ADAMTS3: variants seen among roughly 807,000 people sequenced by gnomAD.
The protein encoded by ADAMTS3 is ADAM metallopeptidase with thrombospondin type 1 motif 3, also known as A disintegrin and metalloproteinase with thrombospondin motifs 3.
ADAMTS3 carries 73 observed loss-of-function variants against 129.0 expected under a neutral mutation model. The observed-to-expected ratio is 0.57, with a 90% CI of 0.47 to 0.69. The LOEUF (loss-of-function observed/expected upper bound fraction) is 0.69. ADAMTS3 is among the 30% of genes least tolerant of loss of function. The pLI is 0.00. For synonymous variants in ADAMTS3, 477 were observed against 510.8 expected, an observed-to-expected ratio of 0.93 and a Z score of 0.89; for missense variants, 1,457 against 1,514.5, an observed-to-expected ratio of 0.96 and a Z score of 0.63.
intron 4 of ADAMTS3, among the ~76,000 whole-genome samples, chr4:72,402,073 T>A (rs756260721): frequency 4.6e-5 from 7 of 152,202 alleles, no homozygotes; most frequent in Non-Finnish European, 1.0e-4. Flanking sequence ...TTAAGAGTTA[T>A]TGATAATAAT....
intron 4 of ADAMTS3, among the ~76,000 whole-genome samples, chr4:72,342,255 G>T (rs967742234): frequency 2.0e-5 from 3 of 151,996 alleles, no homozygotes; most frequent in Non-Finnish European, 4.4e-5. Context: ...AGGCCACTAG[G>T]TTAGGATTAT....
intron 4 of ADAMTS3, among the ~76,000 whole-genome samples, chr4:72,380,922 G>A (rs534389942): frequency 4.1e-4 from 62 of 152,154 alleles, no homozygotes; most frequent in African/African-American, 1.4e-3. Context: ...GCTATATATT[G>A]TATACCCAAC....
At chr4:72,291,158 A>G in intron 19 of ADAMTS3, 96 bp from the exon 20 acceptor site, 1 of 1,319,734 alleles carries the variant, frequency 7.6e-7, no homozygotes. Context: ...TCTCTAAGTG[A>G]CTTGCAACCT....
Position 72,283,287 on chromosome 4 carries a change from A to G in ADAMTS3, c.3467T>C (p.Val1156Ala). Residue 1156 changes from valine to alanine, a missense_variant, in exon 22 of 22, where the codon GTC becomes GCC. Coordinates refer to ENST00000286657, the MANE Select transcript of ADAMTS3 (RefSeq NM_014243.3). ...CATTTGTGAAGCTGAACTGAGGTGG[A>G]CCCTCTTGGTGGGTGGGGAGGATGG... ...TVPSSPPTKR[V>A]HLSSASQMAA... 1.9e-6 allele frequency: 3 copies of G among 1,611,918 alleles called. No homozygotes were observed. The highest frequency in any genetic ancestry group is 2.5e-6 in the Non-Finnish European group (3 of 1,179,034).
chr4:72,420,104 C>T (rs896461756), intron 3 of ADAMTS3, among the ~76,000 whole-genome samples: 2 of 152,044 alleles, frequency 1.3e-5, no homozygotes, highest in African/African-American at 2.4e-5. Context: ...AATGTAAGCT[C>T]CTCTATTCAA....
chr4:72,339,231 C>T (rs1720065650), intron 5 of ADAMTS3, among the ~76,000 whole-genome samples: 1 of 152,200 alleles, frequency 6.6e-6, no homozygotes, highest in Non-Finnish European at 1.5e-5. Context: ...AATTCCATCT[C>T]ATTATGGCTT....
At chr4:72,383,594 G>T (rs535690842) in intron 4 of ADAMTS3, among the ~76,000 whole-genome samples, 1 of 152,122 alleles carries the variant, frequency 6.6e-6, no homozygotes, top group Non-Finnish European at 1.5e-5. Flanking sequence ...ATATGTGTTC[G>T]AGGCGGACTC....
intron 3 of ADAMTS3, among the ~76,000 whole-genome samples, chr4:72,495,436 T>C (rs1719850808): frequency 6.6e-6 from 1 of 152,130 alleles, no homozygotes; most frequent in African/African-American, 2.4e-5. Context: ...TTACTTAAAC[T>C]GAAAAGCCAG....
intron 4 of ADAMTS3, among the ~76,000 whole-genome samples, chr4:72,353,947 C>G (rs1021388892): frequency 6.6e-6 from 1 of 151,884 alleles, no homozygotes; most frequent in African/African-American, 2.4e-5. Flanking sequence ...CTACATCCCT[C>G]AGGAACTGCT....
chr4:72,321,888 T>G (rs1268781662), intron 6 of ADAMTS3, among the ~76,000 whole-genome samples: 3 of 152,042 alleles, frequency 2.0e-5, no homozygotes, highest in Non-Finnish European at 2.9e-5. Context: ...CACATTAGGG[T>G]CAGGAGTTAA....
intron 4 of ADAMTS3, among the ~76,000 whole-genome samples, chr4:72,403,590 G>A (rs1371094878): frequency 6.6e-6 from 1 of 151,320 alleles, no homozygotes; most frequent in African/African-American, 2.4e-5. Flanking sequence ...TGTTATAAGT[G>A]AAAAATCATG....
chr4:72,517,106 G>C (rs28859687), intron 3 of ADAMTS3, among the ~76,000 whole-genome samples: 45,723 of 151,066 alleles, frequency 0.3, 7,039 homozygotes, highest in Middle Eastern at 0.35. Flanking sequence ...TGTGGTTTTT[G>C]TCTTTGGTTC....
intron 12 of ADAMTS3, among the ~76,000 whole-genome samples, chr4:72,313,346 C>G (rs1162095823): frequency 6.6e-6 from 1 of 152,182 alleles, no homozygotes; most frequent in Admixed American, 6.5e-5. Context: ...CCTGGACACT[C>G]TCTTGTTTCT....
At chr4:72,548,920 C>T in intron 2 of ADAMTS3, 36 bp from the exon 3 acceptor site, 6 of 1,571,664 alleles carry the variant, frequency 3.8e-6, no homozygotes, top group Non-Finnish European at 5.2e-6. Context: ...AAACCCTGTA[C>T]AATAAGAGAA....
chr4:72,323,954 A>G (rs1425605235), intron 5 of ADAMTS3, among the ~76,000 whole-genome samples: 3 of 152,136 alleles, frequency 2.0e-5, no homozygotes, highest in Non-Finnish European at 4.4e-5. Context: ...TCTGAAGTGG[A>G]CTGTAACTGT....
chr4:72,527,334 A>G (rs1256136184), intron 3 of ADAMTS3, among the ~76,000 whole-genome samples: 1 of 152,148 alleles, frequency 6.6e-6, no homozygotes, highest in Non-Finnish European at 1.5e-5. Context: ...AAAAAGCAGC[A>G]TACCTTTTCT....
At chr4:72,318,139 G>A (rs1052716210) in intron 10 of ADAMTS3, among the ~76,000 whole-genome samples, 1 of 151,894 alleles carries the variant, frequency 6.6e-6, no homozygotes, top group Non-Finnish European at 1.5e-5. Flanking sequence ...CCTTCCCTAT[G>A]GTCACACATA....
chr4:72,417,368 G>A (rs1722331285), intron 3 of ADAMTS3, among the ~76,000 whole-genome samples: 2 of 152,158 alleles, frequency 1.3e-5, no homozygotes. Flanking sequence ...TAGCCCATGG[G>A]TCTTTTGAAA....
chr4:72,533,655 A>G (rs955272971), intron 3 of ADAMTS3, among the ~76,000 whole-genome samples: 2 of 151,894 alleles, frequency 1.3e-5, no homozygotes, highest in Admixed American at 6.6e-5. Flanking sequence ...GTATATATAC[A>G]TATATATGTA....
Sources: allele counts gnomAD v4.1 joint callset (sites outside exome capture counted in the v4.1 genomes callset), GRCh38; gene constraint gnomAD v4.1.1; transcripts MANE v1.5; gene names NCBI Gene and HGNC (gene_info 2026-07-23, HGNC 2026-07-21).